The following PAK1 variants were observed in gnomAD, a reference collection of about 807,000 sequenced individuals.
PAK1 encodes the protein serine/threonine-protein kinase PAK 1.
Under a neutral mutation model 67.4 loss-of-function variants are expected in PAK1, and 29 were observed. That is an observed-to-expected ratio of 0.43 (90% confidence interval 0.32 to 0.59). PAK1 has a LOEUF of 0.59. PAK1 is among the 20% of genes least tolerant of loss of function. The pLI, the probability that PAK1 is intolerant of heterozygous loss-of-function variation, is 0.07. For synonymous variants in PAK1, 223 were observed against 237.4 expected (o/e 0.94, Z 0.56); for missense variants, 337 against 670.7 (o/e 0.50, Z 5.50).
In PAK1 at chr11:77,323,415, T is replaced by C. The variant is rs2135935943; in HGVS notation, c.1552-55A>G. 5 of 1,170,802 alleles carry C rather than the reference T, an allele frequency of 4.3e-6. No homozygotes were observed. In the East Asian group the frequency reaches 9.4e-5, roughly 22 times the overall value. The allele number at this position is 1,170,802 out of a possible 1,614,324, so 72.5% of individuals were successfully genotyped here. Reference sequence around the variant, plus strand: ...ATGACTATTTAACATTCTTCCCCAGTAACCATTACAAGACATAAAGGCATC... The same window carrying C: ...ATGACTATTTAACATTCTTCCCCAGCAACCATTACAAGACATAAAGGCATC... On this transcript the variant is annotated intron_variant, in intron 14 of 14. Coordinates refer to ENST00000356341, the MANE Select transcript of PAK1 (RefSeq NM_002576.5).
intron 1 of PAK1, among the ~76,000 whole-genome samples, chr11:77,417,194 T>C (rs1462921631): frequency 2.0e-5 from 3 of 152,234 alleles, no homozygotes; most frequent in East Asian, 3.8e-4. Context: ...TGAATGTTTA[T>C]TGCAGTTTTA....
chr11:77,375,474 T>C (rs1012579322), intron 4 of PAK1, among the ~76,000 whole-genome samples: 6 of 152,190 alleles, frequency 3.9e-5, no homozygotes, highest in African/African-American at 1.2e-4. Flanking sequence ...TTTCCAAGAA[T>C]AGAATCAAGC....
At chr11:77,407,222 A>G (rs970256735) in intron 1 of PAK1, among the ~76,000 whole-genome samples, 2 of 152,194 alleles carry the variant, frequency 1.3e-5, no homozygotes, top group Non-Finnish European at 2.9e-5. Flanking sequence ...TTTGTGTTAC[A>G]TCATAAGAAG....
intron 1 of PAK1, among the ~76,000 whole-genome samples, chr11:77,462,013 C>T (rs761040860): frequency 6.6e-6 from 1 of 152,162 alleles, no homozygotes; most frequent in Non-Finnish European, 1.5e-5. Flanking sequence ...AAAGTAGCTG[C>T]TGATCAGCTT....
At chr11:77,399,668 G>T (rs560529418) in intron 1 of PAK1, among the ~76,000 whole-genome samples, 1 of 151,400 alleles carries the variant, frequency 6.6e-6, no homozygotes, top group Admixed American at 6.6e-5. Flanking sequence ...GACCATCCCG[G>T]CTAAAACGGT....
chr11:77,323,936 G>A (rs1368725870), intron 14 of PAK1, among the ~76,000 whole-genome samples: 1 of 152,124 alleles, frequency 6.6e-6, no homozygotes. Context: ...TCATGACCCA[G>A]TAGTATATCG....
chr11:77,505,119 AT>A, the PAK1 span, among the ~76,000 whole-genome samples: 1 of 152,118 alleles, frequency 6.6e-6, no homozygotes. Context: ...CATTTTAACC[AT>A]TTTTAAGTGT....
At chr11:77,355,921 C>T in intron 6 of PAK1, 79 bp from the exon 7 acceptor site, 1 of 863,094 alleles carries the variant, frequency 1.2e-6, no homozygotes, top group Admixed American at 2.0e-5. Context: ...GAGGTTAGAA[C>T]ATCCACAGAG....
chr11:77,518,737 G>A, the PAK1 span, among the ~76,000 whole-genome samples: 1 of 152,110 alleles, frequency 6.6e-6, no homozygotes, highest in Non-Finnish European at 1.5e-5. Flanking sequence ...CTAAAGATGA[G>A]CAAGTTAGTC....
At chr11:77,497,227 C>T in the PAK1 span, among the ~76,000 whole-genome samples, 53 of 152,312 alleles carry the variant, frequency 3.5e-4, no homozygotes, top group African/African-American at 9.9e-4. Flanking sequence ...TGTGGGATGG[C>T]TATGGTGGTA....
intron 1 of PAK1, among the ~76,000 whole-genome samples, chr11:77,468,101 TCA>T (rs1443135402): frequency 7.9e-5 from 12 of 152,166 alleles, no homozygotes; most frequent in African/African-American, 2.9e-4. Context: ...CTTGCCAGCC[TCA>T]GTTAGTACTT....
chr11:77,456,970 T>C (rs1245237284), intron 1 of PAK1, among the ~76,000 whole-genome samples: 2 of 152,158 alleles, frequency 1.3e-5, no homozygotes, highest in South Asian at 2.1e-4. Flanking sequence ...CTCAATCTCC[T>C]GACCTTGTGA....
chr11:77,426,094 T>G (rs1247527918), intron 1 of PAK1, among the ~76,000 whole-genome samples: 1 of 150,618 alleles, frequency 6.6e-6, no homozygotes, highest in Non-Finnish European at 1.5e-5. Context: ...TTTTTTTTTT[T>G]TTTTTTTACA....
intron 1 of PAK1, among the ~76,000 whole-genome samples, chr11:77,468,918 T>C (rs1957722116): frequency 6.6e-6 from 1 of 152,170 alleles, no homozygotes; most frequent in African/African-American, 2.4e-5. Flanking sequence ...TGCTAACTCG[T>C]AAAATGGGAA....
At chr11:77,503,448 T>A in the PAK1 span, among the ~76,000 whole-genome samples, 3 of 152,362 alleles carry the variant, frequency 2.0e-5, no homozygotes, top group Admixed American at 1.3e-4. Context: ...ACAGCAGTTC[T>A]CAAACTGTTT....
Position 77,390,710 on chromosome 11 carries a change from C to T in PAK1, c.190+1621G>A, listed in dbSNP as rs188398269. Reference sequence around the variant, plus strand: ...AGAGACAAGGTCTTCCTATTTTGCCCGGGCTAGTCTCAAACTCCTGAGCTC... The same window carrying T: ...AGAGACAAGGTCTTCCTATTTTGCCTGGGCTAGTCTCAAACTCCTGAGCTC... On this transcript the variant is annotated intron_variant, in intron 2 of 14. Coordinates refer to ENST00000356341, the MANE Select transcript of PAK1 (RefSeq NM_002576.5). Among the ~76,000 whole-genome samples the T allele has an allele frequency of 1.7e-3, 249 of 150,072 alleles. 1 individual carries two copies. Among genetic ancestry groups the T allele is most frequent in the African/African-American group, 5.9e-3 (241 of 40,694 alleles).
intron 5 of PAK1, 137 bp downstream of exon 5, chr11:77,374,191 T>G (rs903214103): frequency 8.3e-6 from 4 of 482,130 alleles, no homozygotes; most frequent in African/African-American, 7.9e-5. Flanking sequence ...CTTTATTGGA[T>G]AGATAGGAAT....
chr11:77,492,212 G>A, the PAK1 span, among the ~76,000 whole-genome samples: 1 of 152,112 alleles, frequency 6.6e-6, no homozygotes, highest in Non-Finnish European at 1.5e-5. Context: ...GCAGGTGCCT[G>A]TAATCCCAGC....
chr11:77,471,227 T>G (rs1957838180), intron 1 of PAK1, among the ~76,000 whole-genome samples: 1 of 152,170 alleles, frequency 6.6e-6, no homozygotes, highest in Non-Finnish European at 1.5e-5. Flanking sequence ...TGTCACGCAG[T>G]TAAGTGCTAC....
Sources: allele counts gnomAD v4.1 joint callset (sites outside exome capture counted in the v4.1 genomes callset), GRCh38; gene constraint gnomAD v4.1.1; transcripts MANE v1.5; gene names NCBI Gene and HGNC (gene_info 2026-07-23, HGNC 2026-07-21).